The following GNAL variants were observed in gnomAD, a reference collection of about 807,000 sequenced individuals.
GNAL encodes guanine nucleotide-binding protein G(olf) subunit alpha.
Under a neutral mutation model 55.1 loss-of-function variants are expected in GNAL, and 18 were observed. That is an observed-to-expected ratio of 0.33 (90% CI 0.23 to 0.48). The LOEUF (loss-of-function observed/expected upper bound fraction) is 0.48. Ranked by LOEUF, GNAL falls within the 20% of genes least tolerant of loss-of-function variation. The pLI, the probability that GNAL is intolerant of heterozygous loss-of-function variation, is 0.99. For missense variants in GNAL, 412 were observed against 614.1 expected (o/e 0.67, Z 3.48); for synonymous variants, 253 against 237.0 (o/e 1.07, Z -0.62).
intron 1 of GNAL, among the ~76,000 whole-genome samples, chr18:11,724,457 G>T (rs890434056): frequency 7.9e-5 from 12 of 152,220 alleles, no homozygotes; most frequent in African/African-American, 2.9e-4. Context: ...CAGAAAGACG[G>T]TGCAGTGCTG....
rs923823796 is a variant in GNAL at position 11,816,728 on chromosome 18, C to T, written c.625-8190C>T. Reference sequence around the variant, plus strand: ...ACTGGGGAGGCTGAGGCAGGAGAATCTCTTGAACCTGGGAGGCGGAGGTTG... The same window carrying T: ...ACTGGGGAGGCTGAGGCAGGAGAATTTCTTGAACCTGGGAGGCGGAGGTTG... On this transcript the variant is annotated intron_variant, in intron 4 of 11. Coordinates refer to ENST00000334049, the MANE Select transcript of GNAL (RefSeq NM_182978.4). 1.1e-4 allele frequency among the ~76,000 whole-genome samples: 16 copies of T among 151,374 alleles called. No homozygotes were observed. The East Asian group carries it at 1.6e-3, about 15-fold the overall frequency.
At chr18:11,783,795 C>T (rs995076001) in intron 4 of GNAL, among the ~76,000 whole-genome samples, 1 of 152,056 alleles carries the variant, frequency 6.6e-6, no homozygotes, top group South Asian at 2.1e-4. Flanking sequence ...TCTTCAAAAT[C>T]TAGTGTGTAT....
chr18:11,766,123 G>T lies in GNAL; in HGVS notation c.624+12178G>T, dbSNP rs138337531. Among the ~76,000 whole-genome samples the T allele has an allele frequency of 7.1e-4, 108 of 152,324 alleles. 1 individual carries two copies. Among genetic ancestry groups the T allele is most frequent in the Non-Finnish European group, 1.3e-3 (88 of 68,034 alleles). ...AATTAAGACTTAAATGAGTCAACACGTGTGGTTTGTGAGAAAAGCACACTA... is the reference window on the plus strand; with the variant it reads ...AATTAAGACTTAAATGAGTCAACACTTGTGGTTTGTGAGAAAAGCACACTA... On this transcript the variant is annotated intron_variant, in intron 4 of 11. Coordinates refer to ENST00000334049, the MANE Select transcript of GNAL (RefSeq NM_182978.4).
intron 1 of GNAL, among the ~76,000 whole-genome samples, chr18:11,733,452 G>T (rs1034780761): frequency 6.6e-6 from 1 of 151,958 alleles, no homozygotes; most frequent in Non-Finnish European, 1.5e-5. Context: ...GGAGCTAAAC[G>T]GCAGCAAGGT....
At chr18:11,689,996 GGGGCGGC>G in intron 1 of GNAL, 57 bp downstream of exon 1, 2 of 1,078,404 alleles carry the variant, frequency 1.9e-6, no homozygotes, top group South Asian at 4.3e-5. Context: ...CGGGCCCGCG[GGGGCGGC>G]GGGCACCGGG....
intron 4 of GNAL, among the ~76,000 whole-genome samples, chr18:11,761,074 T>C (rs1200325781): frequency 6.6e-6 from 1 of 152,168 alleles, no homozygotes; most frequent in African/African-American, 2.4e-5. Flanking sequence ...CCTCAGTTGC[T>C]GGGGCTGGTT....
chr18:11,882,226 T>A lies in GNAL; in HGVS notation c.*1091T>A, dbSNP rs969863007. 1.3e-5 allele frequency: 2 copies of A among 151,442 alleles called. No homozygotes were observed. The highest frequency in any genetic ancestry group is 4.8e-5 in the African/African-American group (2 of 41,386). 9.4% of individuals were successfully genotyped at this position (151,442 alleles called of 1,614,324 possible). ...CAGGGGTACAAATTGCAATCTAATC[T>A]TTTCAGGGAACCAGGGATTTTTTTC... On this transcript the variant is annotated 3_prime_UTR_variant, in exon 12 of 12. Coordinates refer to ENST00000334049, the MANE Select transcript of GNAL (RefSeq NM_182978.4).
At chr18:11,744,708 C>T (rs538802167) in intron 1 of GNAL, among the ~76,000 whole-genome samples, 4 of 152,262 alleles carry the variant, frequency 2.6e-5, no homozygotes, top group South Asian at 2.1e-4. Context: ...ATTCACCTTT[C>T]GTAAACTGTT....
At chr18:11,768,377 G>T (rs1448467788) in intron 4 of GNAL, among the ~76,000 whole-genome samples, 1 of 152,078 alleles carries the variant, frequency 6.6e-6, no homozygotes, top group Non-Finnish European at 1.5e-5. Context: ...GAGGCAGGAG[G>T]ATCACCTGAG....
intron 10 of GNAL, among the ~76,000 whole-genome samples, chr18:11,873,058 G>T (rs1455194893): frequency 1.3e-5 from 2 of 152,218 alleles, no homozygotes; most frequent in Non-Finnish European, 1.5e-5. Flanking sequence ...ACCAGGAAGA[G>T]TTGGTCACTC....
chr18:11,846,462 T>TACACAC (rs1357598485), intron 5 of GNAL, among the ~76,000 whole-genome samples: 4 of 20,196 alleles, frequency 2.0e-4, no homozygotes, highest in African/African-American at 2.9e-4. Flanking sequence ...TATATATAAA[T>TACACAC]ATACACACAC....
intron 1 of GNAL, among the ~76,000 whole-genome samples, chr18:11,727,681 T>G (rs935166144): frequency 6.6e-6 from 1 of 152,242 alleles, no homozygotes; most frequent in Non-Finnish European, 1.5e-5. Context: ...ATGGTAGAAT[T>G]CTAACTCAAA....
intron 7 of GNAL, among the ~76,000 whole-genome samples, chr18:11,865,283 A>C (rs984861714): frequency 4.7e-5 from 7 of 149,372 alleles, no homozygotes; most frequent in Non-Finnish European, 1.0e-4. Flanking sequence ...CCCTCTGCCT[A>C]TGACCAGCCC....
At chr18:11,812,564 C>T (rs1388720762) in intron 4 of GNAL, among the ~76,000 whole-genome samples, 1 of 152,228 alleles carries the variant, frequency 6.6e-6, no homozygotes, top group African/African-American at 2.4e-5. Flanking sequence ...GACATTCAGG[C>T]TGGGCACGGT....
chr18:11,870,036 T>C (rs2036359064), intron 9 of GNAL, among the ~76,000 whole-genome samples: 1 of 152,176 alleles, frequency 6.6e-6, no homozygotes, highest in South Asian at 2.1e-4. Context: ...TTTTAGGTAA[T>C]TGGAGATGAT....
chr18:11,858,434 GGC>G (rs1478059859), intron 5 of GNAL, among the ~76,000 whole-genome samples: 1 of 152,138 alleles, frequency 6.6e-6, no homozygotes, highest in Non-Finnish European at 1.5e-5. Context: ...AGCATGCAGT[GGC>G]ATATTTAAGG....
At chr18:11,853,382 A>T (rs2035927396) in intron 5 of GNAL, 1 of 167,104 alleles carries the variant, frequency 6.0e-6, no homozygotes, top group Non-Finnish European at 1.5e-5. Flanking sequence ...TAAAGCATGT[A>T]TCCACCGCTT....
rs117171160 is a variant in GNAL, at chr18:11,833,992, G to A, written c.722+8977G>A. ...CCAAATGTGAGGCTCCCCGGGGTGC[G>A]GTTTAAAAACTAGTGCCCGTTTTCA... On this transcript the variant is annotated intron_variant, in intron 5 of 11. Transcript: ENST00000334049. Among the ~76,000 whole-genome samples, 14 of 152,214 alleles carry A rather than the reference G, an allele frequency of 9.2e-5. No individual in the cohort carries two copies. In the East Asian group the frequency reaches 2.7e-3, roughly 29 times the overall value.
At chr18:11,717,148 G>A (rs568298394) in intron 1 of GNAL, among the ~76,000 whole-genome samples, 11 of 152,368 alleles carry the variant, frequency 7.2e-5, no homozygotes, top group Non-Finnish European at 1.3e-4. Context: ...TGGCCCAGGT[G>A]CTAAGCCCCT....
Sources: allele counts gnomAD v4.1 joint callset (sites outside exome capture counted in the v4.1 genomes callset), GRCh38; gene constraint gnomAD v4.1.1; transcripts MANE v1.5; gene names NCBI Gene and HGNC (gene_info 2026-07-23, HGNC 2026-07-21).